The following OLFM3 variants were observed in gnomAD, a reference collection of about 807,000 sequenced individuals.
OLFM3 encodes the protein olfactomedin 3, also known as noelin-3.
A neutral mutation model predicts 48.6 loss-of-function variants in OLFM3; 20 were observed. The ratio of observed to expected loss-of-function variants is 0.41; its 90% CI spans 0.29 to 0.60. The LOEUF (loss-of-function observed/expected upper bound fraction) is 0.60, where lower values mean the gene tolerates loss of function less well. Ranked by LOEUF, OLFM3 falls within the 20% of genes least tolerant of loss-of-function variation. The pLI is 0.28. For synonymous variants in OLFM3, 222 were observed against 198.1 expected (o/e 1.12, Z -1.01); for missense variants, 437 against 544.3 (o/e 0.80, Z 1.96).
intron 2 of OLFM3, among the ~76,000 whole-genome samples, chr1:101,833,471 G>A (rs1184248353): frequency 1.3e-5 from 2 of 152,220 alleles, no homozygotes; most frequent in Non-Finnish European, 2.9e-5. Context: ...GACGACATGA[G>A]TAAGGAAGGA....
At position 101,802,656 on chromosome 1, in the gene OLFM3, A is replaced by G. The variant is rs1175082264; in HGVS notation, c.*1582T>C. On this transcript the variant is annotated 3_prime_UTR_variant, in exon 6 of 6. Transcript: ENST00000370103. Reference sequence around the variant, plus strand: ...GCTTTACTTGTGACATTTGAAATGAATTACACTTAAATGTTAGGATTTCTT... The same window carrying G: ...GCTTTACTTGTGACATTTGAAATGAGTTACACTTAAATGTTAGGATTTCTT... The G allele has an allele frequency of 6.6e-6, 1 of 151,656 alleles. No individual in the cohort carries two copies. Among genetic ancestry groups the G allele is most frequent in the East Asian group, 1.9e-4 (1 of 5,152 alleles). The allele number at this position is 151,656 out of a possible 1,614,324, so 9.4% of individuals were successfully genotyped here.
intron 1 of OLFM3, among the ~76,000 whole-genome samples, chr1:101,920,255 T>C (rs1659053450): frequency 6.6e-6 from 1 of 152,196 alleles, no homozygotes; most frequent in South Asian, 2.1e-4. Context: ...TTTTCCTGAC[T>C]CAGTCTGAGT....
chr1:101,992,666 G>T, intron 1 of OLFM3, among the ~76,000 whole-genome samples: 1 of 151,112 alleles, frequency 6.6e-6, no homozygotes, highest in South Asian at 2.1e-4. Context: ...TTTAAAAATA[G>T]TAAGAACAAG....
At chr1:101,894,499 C>A (rs928873474) in intron 1 of OLFM3, among the ~76,000 whole-genome samples, 3 of 152,004 alleles carry the variant, frequency 2.0e-5, no homozygotes, top group Non-Finnish European at 4.4e-5. Context: ...ATAATTTAAA[C>A]CCTAAGAATA....
chr1:101,960,852 A>G (rs527308688), intron 1 of OLFM3, among the ~76,000 whole-genome samples: 38 of 152,282 alleles, frequency 2.5e-4, no homozygotes, highest in Admixed American at 2.1e-3. Flanking sequence ...CTCTGCTTCA[A>G]TTCTTACAGA....
At position 101,836,974 on chromosome 1, in the gene OLFM3, G is replaced by T. The variant is rs778515368; in HGVS notation, c.121C>A (p.Pro41Thr). 5 of 1,614,102 alleles carry T rather than the reference G, an allele frequency of 3.1e-6. No homozygotes were observed. The South Asian group carries it at 5.5e-5, about 18-fold the overall frequency. Residue 41 changes from proline (P) to threonine (T), a missense_variant, in exon 2 of 6, where the codon CCT becomes ACT. Pro to Thr is a conservative substitution (Grantham distance 38, BLOSUM62 -1). Coordinates refer to ENST00000370103, the MANE Select transcript of OLFM3 (RefSeq NM_058170.4). Reference protein sequence around the residue: ...GWQVYSSAQDPDGRCICTVVA... With the variant: ...GWQVYSSAQDTDGRCICTVVA... ...ACTGTGCAAATGCACCGCCCATCAG[G>T]ATCCTGAGCTGAGCTGTACACCTGC...
chr1:101,852,489 T>C (rs994232467), intron 1 of OLFM3, among the ~76,000 whole-genome samples: 5 of 152,120 alleles, frequency 3.3e-5, no homozygotes, highest in Non-Finnish European at 7.4e-5. Flanking sequence ...TGACCTCTCT[T>C]TCTTAGTGTC....
intron 1 of OLFM3, among the ~76,000 whole-genome samples, chr1:101,938,191 A>G (rs781291891): frequency 1.3e-5 from 2 of 152,232 alleles, no homozygotes; most frequent in Non-Finnish European, 2.9e-5. Flanking sequence ...TATCAGAGAT[A>G]TAATTCCTAA....
At chr1:101,882,640 TG>T (rs1657582147) in intron 1 of OLFM3, 1 of 151,754 alleles carries the variant, frequency 6.6e-6, no homozygotes, top group African/African-American at 2.4e-5. Context: ...AAGTGAGAGA[TG>T]GTTGCTATAA....
chr1:101,835,731 C>A (rs916395666), intron 2 of OLFM3, among the ~76,000 whole-genome samples: 17 of 152,100 alleles, frequency 1.1e-4, no homozygotes, highest in African/African-American at 4.1e-4. Flanking sequence ...TGGGATCTTG[C>A]CATAAAAGGA....
chr1:101,888,167 A>G (rs1478446070), intron 1 of OLFM3, among the ~76,000 whole-genome samples: 1 of 152,158 alleles, frequency 6.6e-6, no homozygotes, highest in Non-Finnish European at 1.5e-5. Context: ...TTCATATAGA[A>G]CCAAAAGAGA....
At chr1:101,850,484 TTTTTC>T (rs1463100254) in intron 1 of OLFM3, among the ~76,000 whole-genome samples, 17 of 152,120 alleles carry the variant, frequency 1.1e-4, no homozygotes, top group Non-Finnish European at 1.9e-4. Flanking sequence ...GAATTTTATT[TTTTTC>T]TTTTATTTGT....
chr1:101,981,538 C>A (rs1196007595), intron 1 of OLFM3, among the ~76,000 whole-genome samples: 1 of 152,152 alleles, frequency 6.6e-6, no homozygotes, highest in Non-Finnish European at 1.5e-5. Context: ...GGCTTAAATA[C>A]CGTCTGCACA....
rs144017501 is a variant in OLFM3 at position 101,995,577 on chromosome 1, C to A, written c.69+1171G>T. 5.7e-3 allele frequency among the ~76,000 whole-genome samples: 871 copies of A among 152,112 alleles called. 5 individuals carry two copies. Among genetic ancestry groups the A allele is most frequent in the African/African-American group, 0.019 (803 of 41,526 alleles). On this transcript the variant is annotated intron_variant, in intron 1 of 5. Transcript: ENST00000370103. ...GTACAGAAATAATTACAAATATATACGACATGATTCTAAGTTTTAACTGTA... is the reference window on the plus strand; with the variant it reads ...GTACAGAAATAATTACAAATATATAAGACATGATTCTAAGTTTTAACTGTA...
intron 1 of OLFM3, among the ~76,000 whole-genome samples, chr1:101,988,634 T>G (rs1041008988): frequency 6.6e-6 from 1 of 152,108 alleles, no homozygotes; most frequent in Non-Finnish European, 1.5e-5. Flanking sequence ...CCTTGACTTA[T>G]GTATTCTTCA....
rs1257471951 is a variant in OLFM3 at position 101,858,801 on chromosome 1, G to A, written c.70-21776C>T. ...TGAGGCCTCCCCAGCCATGCTTCCT[G>A]TACAGCCTGAAGAACTGTGAGTCAA... On this transcript the variant is annotated intron_variant, in intron 1 of 5. Coordinates refer to ENST00000370103, the MANE Select transcript of OLFM3 (RefSeq NM_058170.4). Among the ~76,000 whole-genome samples the A allele has an allele frequency of 3.9e-5, 6 of 152,138 alleles. No homozygotes were observed. The East Asian group carries it at 1.2e-3, about 29-fold the overall frequency.
intron 1 of OLFM3, among the ~76,000 whole-genome samples, chr1:101,888,716 C>A (rs1054949299): frequency 9.2e-5 from 14 of 152,206 alleles, no homozygotes; most frequent in Admixed American, 9.2e-4. Context: ...AACAGGCAAC[C>A]TACAGAATGG....
chr1:101,959,297 A>G (rs1182371516), intron 1 of OLFM3, among the ~76,000 whole-genome samples: 11 of 151,840 alleles, frequency 7.2e-5, no homozygotes. Context: ...GGAAAAATAC[A>G]TATTTCTAAA....
intron 4 of OLFM3, 32 bp from the exon 5 acceptor site, chr1:101,806,214 G>T: frequency 6.4e-7 from 1 of 1,551,268 alleles, no homozygotes; most frequent in Non-Finnish European, 8.9e-7. Context: ...CGTGTTAGGT[G>T]AACGCAGCCA....
Sources: allele counts gnomAD v4.1 joint callset (sites outside exome capture counted in the v4.1 genomes callset), GRCh38; gene constraint gnomAD v4.1.1; transcripts MANE v1.5; gene names NCBI Gene and HGNC (gene_info 2026-07-23, HGNC 2026-07-21).